The following RYR3 variants were observed in gnomAD, a reference collection of about 807,000 sequenced individuals.
RYR3 encodes the protein ryanodine receptor 3.
In RYR3, 207 loss-of-function variants were observed where a neutral mutation model predicts 584.3. The ratio of observed to expected loss-of-function variants is 0.35; its 90% CI spans 0.32 to 0.40. The LOEUF is 0.40. Ranked by LOEUF, RYR3 falls within the 10% of genes least tolerant of loss-of-function variation. The pLI is 1.00. For synonymous variants in RYR3, 2,416 were observed against 2,248.5 expected, an observed-to-expected ratio of 1.07 and a Z score of -2.11; for missense variants, 5,616 against 6,089.2, an observed-to-expected ratio of 0.92 and a Z score of 2.59.
At chr15:33,673,747 G>T (rs1460861344) in intron 38 of RYR3, among the ~76,000 whole-genome samples, 1 of 152,194 alleles carries the variant, frequency 6.6e-6, no homozygotes, top group Non-Finnish European at 1.5e-5. Flanking sequence ...TTAAAATTCG[G>T]TAAATTCTTG....
chr15:33,843,344 C>T (rs892699680), intron 91 of RYR3, 144 bp from the exon 92 acceptor site: 20 of 590,490 alleles, frequency 3.4e-5, no homozygotes, highest in Non-Finnish European at 6.0e-5. Context: ...AAAAGAATGC[C>T]AGGGTTACCC....
At chr15:33,596,946 AG>A (rs2059407023) in intron 16 of RYR3, among the ~76,000 whole-genome samples, 1 of 152,060 alleles carries the variant, frequency 6.6e-6, no homozygotes, top group Non-Finnish European at 1.5e-5. Context: ...AGAGGAACAT[AG>A]TTTGTAGTTT....
chr15:33,320,326 A>G (rs1968790194), intron 1 of RYR3, among the ~76,000 whole-genome samples: 1 of 152,228 alleles, frequency 6.6e-6, no homozygotes, highest in Admixed American at 6.5e-5. Context: ...ATGAATTCAG[A>G]TCTTGCTAGT....
chr15:33,794,334 T>TA (rs1216564897), intron 67 of RYR3, among the ~76,000 whole-genome samples: 37 of 87,064 alleles, frequency 4.2e-4, no homozygotes, highest in South Asian at 2.4e-3. Flanking sequence ...TTTATATATG[T>TA]TTATATATAT....
chr15:33,420,937 G>A (rs566304182), intron 1 of RYR3, among the ~76,000 whole-genome samples: 17 of 152,228 alleles, frequency 1.1e-4, no homozygotes, highest in Non-Finnish European at 1.9e-4. Flanking sequence ...GTACCATGCA[G>A]TGTGCTGGAG....
chr15:33,763,973 T>C (rs544765244), intron 60 of RYR3, among the ~76,000 whole-genome samples: 2 of 151,432 alleles, frequency 1.3e-5, no homozygotes, highest in East Asian at 1.9e-4. Context: ...GCTTTTACAC[T>C]GTTGGTGGGA....
intron 3 of RYR3, among the ~76,000 whole-genome samples, chr15:33,520,356 T>G (rs1406691717): frequency 6.6e-6 from 1 of 152,238 alleles, no homozygotes; most frequent in Non-Finnish European, 1.5e-5. Flanking sequence ...TTGGAAATAC[T>G]CATTATGCTA....
At chr15:33,601,320 C>A (rs1166099694) in intron 16 of RYR3, 99 bp from the exon 17 acceptor site, 36 of 1,262,866 alleles carry the variant, frequency 2.9e-5, no homozygotes, top group Non-Finnish European at 3.7e-5. Context: ...GTCACCTAGC[C>A]CCCACCCTTT....
At chr15:33,512,775 G>C (rs1316524750) in intron 3 of RYR3, among the ~76,000 whole-genome samples, 1 of 152,140 alleles carries the variant, frequency 6.6e-6, no homozygotes, top group Non-Finnish European at 1.5e-5. Context: ...TGTTGGTGGT[G>C]GTGGTTGTTT....
At chr15:33,845,444 G>A (rs777377095) in intron 93 of RYR3, among the ~76,000 whole-genome samples, 4 of 152,162 alleles carry the variant, frequency 2.6e-5, no homozygotes, top group Non-Finnish European at 5.9e-5. Context: ...AGTAGAGACA[G>A]GGTTTCACTA....
chr15:33,381,673 A>G (rs1471648000), intron 1 of RYR3, among the ~76,000 whole-genome samples: 1 of 151,876 alleles, frequency 6.6e-6, no homozygotes, highest in African/African-American at 2.4e-5. Context: ...CTCTCCTTTC[A>G]TTGGCCTCTT....
intron 2 of RYR3, among the ~76,000 whole-genome samples, chr15:33,488,712 CA>C (rs1425160029): frequency 6.6e-6 from 1 of 152,038 alleles, no homozygotes; most frequent in African/African-American, 2.4e-5. Flanking sequence ...ATTAGCCAGG[CA>C]TGGTGACACG....
At chr15:33,617,550 C>G (rs182655259) in intron 19 of RYR3, among the ~76,000 whole-genome samples, 5 of 152,254 alleles carry the variant, frequency 3.3e-5, no homozygotes, top group Admixed American at 1.3e-4. Context: ...GATTCTTTTT[C>G]TCCCATCATA....
At chr15:33,377,645 C>T (rs1031589691) in intron 1 of RYR3, among the ~76,000 whole-genome samples, 20 of 152,302 alleles carry the variant, frequency 1.3e-4, no homozygotes, top group Non-Finnish European at 2.5e-4. Context: ...TCCATCTCTG[C>T]CACTTACTGA....
intron 92 of RYR3, among the ~76,000 whole-genome samples, chr15:33,844,530 T>C (rs2078587799): frequency 6.6e-6 from 1 of 152,228 alleles, no homozygotes; most frequent in Non-Finnish European, 1.5e-5. Flanking sequence ...TGTGTGTGTG[T>C]CTTTGCCTCC....
chr15:33,789,986 CTTTT>C (rs757370991), intron 67 of RYR3, among the ~76,000 whole-genome samples: 8 of 53,256 alleles, frequency 1.5e-4, no homozygotes, highest in African/African-American at 8.5e-4. Flanking sequence ...GCCTGGCCTT[CTTTT>C]TTTTTTTTTT....
chr15:33,499,548 T>C (rs2051767062), intron 2 of RYR3, among the ~76,000 whole-genome samples: 1 of 152,222 alleles, frequency 6.6e-6, no homozygotes, highest in African/African-American at 2.4e-5. Context: ...AACATATAAG[T>C]GAGTTACTGA....
rs74005173 is a variant in RYR3 at position 33,322,761 on chromosome 15, C to T, written c.51+11665C>T. Among the ~76,000 whole-genome samples the T allele has an allele frequency of 5.9e-3, 893 of 152,004 alleles. 8 individuals carry two copies. The highest frequency in any genetic ancestry group is 0.02 in the African/African-American group (844 of 41,508). On this transcript the variant is annotated intron_variant, in intron 1 of 103. Transcript: ENST00000634891. The stretch of plus-strand genomic sequence containing the variant: ...GAATGTCCTAGTTCTCTCTTATTGT[C>T]GATCTTAAAGTCGATGGTTTCTCTG...
At chr15:33,568,475 G>T (rs1206048168) in intron 12 of RYR3, among the ~76,000 whole-genome samples, 7 of 148,250 alleles carry the variant, frequency 4.7e-5, no homozygotes, top group Admixed American at 2.0e-4. Context: ...TTTATTTTTT[G>T]TTTTTTTTTT....
Sources: gnomAD v4.1 joint callset for allele counts (sites outside exome capture counted in the v4.1 genomes callset) on GRCh38, gnomAD v4.1.1 for gene constraint, MANE v1.5 for transcripts, NCBI Gene and HGNC (gene_info 2026-07-23, HGNC 2026-07-21) for gene names.